The following ZNF462 variants were observed in gnomAD, a reference collection of about 807,000 sequenced individuals.
ZNF462 encodes zinc finger protein 462, also known as zinc finger PBX1-interacting protein.
In ZNF462, 10 loss-of-function variants were observed where a neutral mutation model predicts 201.9. The ratio of observed to expected loss-of-function variants is 0.05; its 90% CI spans 0.03 to 0.08. The LOEUF is 0.08. ZNF462 is among the 10% of genes least tolerant of loss of function. The probability of loss-of-function intolerance (pLI) is 1.00; values close to 1 mark genes in which losing one functional copy is unlikely to be tolerated. For missense variants in ZNF462, 2,523 were observed against 3,168.3 expected (o/e 0.80, Z 4.89); for synonymous variants, 1,227 against 1,193.3 (o/e 1.03, Z -0.58).
rs933480741 is a variant in ZNF462, at chr9:106,933,157, G to A, written c.6116+608G>A. 1 of 155,914 alleles carries A rather than the reference G, an allele frequency of 6.4e-6. No homozygotes were observed. The highest frequency in any genetic ancestry group is 2.4e-5 in the African/African-American group (1 of 41,450). The allele number at this position is 155,914 out of a possible 1,614,324, so 9.7% of individuals were successfully genotyped here. A position where few individuals can be genotyped will look rare whatever the true frequency, so the allele number is the denominator to read the frequency against. On this transcript the variant is annotated intron_variant, in intron 5 of 12. Coordinates refer to ENST00000277225, the MANE Select transcript of ZNF462 (RefSeq NM_021224.6). This position sits in a 1 kb window ranked among gnomAD's most constrained non-coding sequence, Gnocchi z 4.3. ...GGGGTGGTTTTAAGAACAACTTTTT[G>A]TTGCCTTTCTCTTTCAGCCGTGTAA...
intron 7 of ZNF462, among the ~76,000 whole-genome samples, chr9:106,955,592 A>G (rs953263027): frequency 6.6e-6 from 1 of 152,102 alleles, no homozygotes; most frequent in African/African-American, 2.4e-5. Flanking sequence ...TCCTTTCACA[A>G]AAGTTTTATC....
intron 1 of ZNF462, among the ~76,000 whole-genome samples, chr9:106,897,812 A>C (rs1828873045): frequency 6.6e-6 from 1 of 152,168 alleles, no homozygotes; most frequent in African/African-American, 2.4e-5. Context: ...TAGAGAGGGA[A>C]AGAGGCCAGC....
intron 7 of ZNF462, among the ~76,000 whole-genome samples, chr9:106,946,473 T>G (rs1052167167): frequency 6.6e-6 from 1 of 152,264 alleles, no homozygotes; most frequent in Admixed American, 6.5e-5. Context: ...TCAAACTGTC[T>G]TGAGACTTCT....
In ZNF462 at chr9:106,893,982, A is replaced by G. The variant is rs545673025; in HGVS notation, c.-30-29372A>G. On this transcript the variant is annotated intron_variant, in intron 1 of 12. Coordinates refer to ENST00000277225, the MANE Select transcript of ZNF462 (RefSeq NM_021224.6). ...GGACTAGAGAAGTCCATGAAAATAT[A>G]TGGCTAGGAATTACTGGCAACAGAC... Among the ~76,000 whole-genome samples, 7 of 152,338 alleles carry G rather than the reference A, an allele frequency of 4.6e-5. 1 individual carries two copies. Among genetic ancestry groups the G allele is most frequent in the African/African-American group, 1.4e-4 (6 of 41,570 alleles).
chr9:106,967,754 G>A (rs1832145083), intron 7 of ZNF462, among the ~76,000 whole-genome samples: 1 of 152,178 alleles, frequency 6.6e-6, no homozygotes, highest in African/African-American at 2.4e-5. Context: ...AGACAGATAG[G>A]TTTCCAGTTC....
Position 106,925,482 on chromosome 9 carries a change from A to C in ZNF462, c.1570A>C (p.Ser524Arg), listed in dbSNP as rs764190052. Residue 524 changes from serine to arginine, a missense_variant, in exon 3 of 13, where the codon AGC becomes CGC. Physicochemically the swap from Ser to Arg is moderately radical, Grantham distance 110. Around this residue, in one of 15 missense-constraint regions of ZNF462, gnomAD observed 383 missense variants for 453.4 expected, o/e 0.84. Transcript: ENST00000277225. The surrounding 1 kb of genome is among the most constrained non-coding windows in gnomAD (Gnocchi z 7.9). ...AGGTGTGGTGTCTTATGAGAGCTCA[A>C]GCATCAATGGTAGAAAGTCAGGAGT... ...NEGVVSYESS[S>R]INGRKSGVML... The C allele has an allele frequency of 3.7e-6, 6 of 1,614,078 alleles. 1 individual carries two copies. The Admixed American group carries it at 1.0e-4, about 27-fold the overall frequency.
Position 106,984,208 on chromosome 9 carries a change from A to T in ZNF462, c.6855A>T (p.Glu2285Asp). 1 of 1,613,934 alleles carries T rather than the reference A, an allele frequency of 6.2e-7. No individual in the cohort carries two copies. The highest frequency in any genetic ancestry group is 8.5e-7 in the Non-Finnish European group (1 of 1,179,914). ...LHREERVVPI[E>D]VCRSKLSKYL... The stretch of plus-strand genomic sequence containing the variant: ...CAGAAGAGCGTGTTGTCCCCATTGA[A>T]GTTTGCCGGTCCAAACTGTCCAAAT... Residue 2285 changes from glutamate to aspartate, a missense_variant, in exon 10 of 13, where the codon GAA (glutamate) becomes GAT (aspartate). Physicochemically the swap from Glu to Asp is conservative, Grantham distance 45 (BLOSUM62 2). Transcript: ENST00000277225. This position sits in a 1 kb window ranked among gnomAD's most constrained non-coding sequence, Gnocchi z 6.4.
rs1217130578 is a variant in ZNF462 at position 107,005,988 on chromosome 9, A to T, written c.7189+2562A>T. On this transcript the variant is annotated intron_variant, in intron 11 of 12. Coordinates refer to ENST00000277225, the MANE Select transcript of ZNF462 (RefSeq NM_021224.6). This position sits in a 1 kb window ranked among gnomAD's most constrained non-coding sequence, Gnocchi z 4.4. ...TGGCACCTTTGTTGAAAACCGATGG[A>T]CTGTGAATGTGTGGATTTATTTCTG... Among the ~76,000 whole-genome samples the T allele has an allele frequency of 1.3e-5, 2 of 152,148 alleles. No individual in the cohort carries two copies. The highest frequency in any genetic ancestry group is 2.9e-5 in the Non-Finnish European group (2 of 68,004).
At chr9:106,869,883 G>C (rs960201973) in intron 1 of ZNF462, among the ~76,000 whole-genome samples, 1 of 152,114 alleles carries the variant, frequency 6.6e-6, no homozygotes, top group Admixed American at 6.5e-5. Flanking sequence ...AATTTAGATT[G>C]TATTTGCAGT....
At chr9:106,979,423 G>A (rs778245283) in intron 9 of ZNF462, 10 of 151,582 alleles carry the variant, frequency 6.6e-5, no homozygotes, top group Non-Finnish European at 1.5e-5. Flanking sequence ...GGGGCTGGAG[G>A]TCCTGTCTTA....
At chr9:106,952,895 A>C (rs1472801456) in intron 7 of ZNF462, among the ~76,000 whole-genome samples, 1 of 152,172 alleles carries the variant, frequency 6.6e-6, no homozygotes, top group Non-Finnish European at 1.5e-5. Flanking sequence ...GCCCTGGGTC[A>C]TAGTTAAATC....
chr9:106,969,617 G>A (rs1001838501), intron 7 of ZNF462, among the ~76,000 whole-genome samples: 2 of 152,134 alleles, frequency 1.3e-5, no homozygotes, highest in African/African-American at 4.8e-5. Flanking sequence ...AGGGACTGGA[G>A]ATGTCAGGTA....
chr9:106,916,575 G>T (rs576409228), intron 1 of ZNF462, among the ~76,000 whole-genome samples: 1 of 152,186 alleles, frequency 6.6e-6, no homozygotes, highest in Non-Finnish European at 1.5e-5. Flanking sequence ...GCTCTGGGGG[G>T]GGAGAAATCA....
chr9:107,004,465 G>T (rs906003924), intron 11 of ZNF462, among the ~76,000 whole-genome samples: 4 of 152,010 alleles, frequency 2.6e-5, no homozygotes, highest in African/African-American at 9.7e-5. Context: ...GTATTTCCTT[G>T]TACATTCATC....
At position 107,011,018 on chromosome 9, in the gene ZNF462, CA is replaced by C; in HGVS notation, c.7515del (p.Glu2506AsnfsTer41). On this transcript the variant is annotated frameshift_variant, in exon 13 of 13. Transcript: ENST00000277225. LOFTEE classifies it high-confidence loss of function. This position sits in a 1 kb window ranked among gnomAD's most constrained non-coding sequence, Gnocchi z 5.6. ...DKSLLENAEA[K>X]KE ...AATCTCTCCTGGAGAATGCAGAGGCCAAAAAAGAATGAGCGTTTGGTGAAAT... is the reference window on the plus strand; with the variant it reads ...AATCTCTCCTGGAGAATGCAGAGGCCAAAAAGAATGAGCGTTTGGTGAAAT... 6.2e-7 allele frequency: 1 copy of C among 1,611,510 alleles called. No homozygotes were observed.
chr9:106,975,471 T>C (rs573635440), intron 9 of ZNF462: 1 of 152,248 alleles, frequency 6.6e-6, no homozygotes, highest in African/African-American at 2.4e-5. Flanking sequence ...GGCTGGACAT[T>C]TAACATGCAC....
At position 106,984,055 on chromosome 9, in the gene ZNF462, G is replaced by A. The variant is rs931876494; in HGVS notation, c.6833-131G>A. On this transcript the variant is annotated intron_variant, in intron 9 of 12. Transcript: ENST00000277225. The surrounding 1 kb of genome is among the most constrained non-coding windows in gnomAD (Gnocchi z 6.4). ...GTTAGGGGAGGGGCAGGGTGCATGT[G>A]TGTCAGTTCAAGGAACCAGATCCAC... 2 of 753,898 alleles carry A rather than the reference G, an allele frequency of 2.7e-6. No homozygotes were observed. Among genetic ancestry groups the A allele is most frequent in the Middle Eastern group, 2.6e-4 (1 of 3,904 alleles). 46.7% of individuals were successfully genotyped at this position (753,898 alleles called of 1,614,324 possible).
intron 7 of ZNF462, among the ~76,000 whole-genome samples, chr9:106,955,968 A>C (rs562930507): frequency 2.0e-5 from 3 of 152,128 alleles, no homozygotes; most frequent in African/African-American, 7.2e-5. Flanking sequence ...AAACCCCTCA[A>C]AGTCATCCAT....
Position 106,925,687 on chromosome 9 carries a change from C to T in ZNF462, c.1775C>T (p.Thr592Ile), listed in dbSNP as rs765536342. 4 of 1,614,184 alleles carry T rather than the reference C, an allele frequency of 2.5e-6. No individual in the cohort carries two copies. The South Asian group carries it at 4.4e-5, about 18-fold the overall frequency. The change falls in exon 3 of 13, where the codon ACA becomes ATA. Residue 592 changes from threonine to isoleucine, a missense_variant. Thr to Ile is a moderately conservative substitution (Grantham distance 89). Coordinates refer to ENST00000277225, the MANE Select transcript of ZNF462 (RefSeq NM_021224.6). This position sits in a 1 kb window ranked among gnomAD's most constrained non-coding sequence, Gnocchi z 7.9. ...CCAACGCAGCAGCCACAGCCACCCACACAAGCCGCACCTCTGCACCCATAC... is the reference window on the plus strand; with the variant it reads ...CCAACGCAGCAGCCACAGCCACCCATACAAGCCGCACCTCTGCACCCATAC... The part of the protein sequence containing the change: ...PPPTQQPQPP[T>I]QAAPLHPYKC...
Sources: gnomAD v4.1 joint callset for allele counts (sites outside exome capture counted in the v4.1 genomes callset) on GRCh38, gnomAD v4.1.1 for gene constraint, gnomAD v4.1.1 regional missense constraint, Gnocchi (gnomAD v3.1) non-coding constraint, MANE v1.5 for transcripts, NCBI Gene and HGNC (gene_info 2026-07-23, HGNC 2026-07-21) for gene names.